SLC28A3: variants seen among roughly 807,000 people sequenced by gnomAD.
SLC28A3 encodes solute carrier family 28 member 3.
In SLC28A3, 68 loss-of-function variants were observed where a neutral mutation model predicts 84.2. The ratio of observed to expected loss-of-function variants is 0.81; its 90% CI spans 0.66 to 0.99. SLC28A3 has a LOEUF of 0.99. SLC28A3 is among the 50% of genes least tolerant of loss of function. The pLI is 0.00. For missense variants in SLC28A3, 712 were observed against 841.5 expected (o/e 0.85, Z 1.90); for synonymous variants, 267 against 303.6 (o/e 0.88, Z 1.25).
chr9:84,357,597 G>A, the SLC28A3 span, among the ~76,000 whole-genome samples: 1 of 152,102 alleles, frequency 6.6e-6, no homozygotes, highest in South Asian at 2.1e-4. Flanking sequence ...AAGTGGGCAG[G>A]AAGTGGAGAC....
intron 3 of SLC28A3, among the ~76,000 whole-genome samples, chr9:84,308,402 C>T (rs1175375708): frequency 2.0e-5 from 3 of 151,892 alleles, no homozygotes; most frequent in African/African-American, 4.8e-5. Context: ...AAAAATTAGC[C>T]GGGCACGATG....
intron 1 of SLC28A3, among the ~76,000 whole-genome samples, chr9:84,315,565 C>A (rs1826142585): frequency 6.6e-6 from 1 of 152,152 alleles, no homozygotes; most frequent in South Asian, 2.1e-4. Context: ...GTGGGCACTC[C>A]TTTAAGTGGC....
chr9:84,339,208 G>A (rs1004995784), intron 1 of SLC28A3, among the ~76,000 whole-genome samples: 3 of 151,758 alleles, frequency 2.0e-5, no homozygotes, highest in African/African-American at 4.8e-5. Context: ...AGGTTTTTCC[G>A]TTTCTTTTAT....
chr9:84,292,573 C>T (rs1825276789), intron 10 of SLC28A3, 95 bp downstream of exon 10: 3 of 964,464 alleles, frequency 3.1e-6, no homozygotes, highest in African/African-American at 3.4e-5. Flanking sequence ...ATTTTCTCTA[C>T]ACTAAAAGAA....
chr9:84,351,882 GAA>G, the SLC28A3 span, among the ~76,000 whole-genome samples: 1 of 135,350 alleles, frequency 7.4e-6, no homozygotes, highest in African/African-American at 2.7e-5. Flanking sequence ...AAGGGTTCAG[GAA>G]AAAAAAAAAA....
At chr9:84,286,801 C>G (rs1825007854) in intron 12 of SLC28A3, among the ~76,000 whole-genome samples, 1 of 152,116 alleles carries the variant, frequency 6.6e-6, no homozygotes, top group South Asian at 2.1e-4. Flanking sequence ...CCTGTGTACT[C>G]TTCTTTGATC....
upstream of SLC28A3, chr9:84,340,805 T>C (rs140084661): frequency 4.6e-5 from 29 of 630,292 alleles, no homozygotes; most frequent in Middle Eastern, 4.5e-4. Flanking sequence ...TGACACCTGG[T>C]TGGGGTGGGG....
At chr9:84,342,127 C>CAAAAAAAAAAAAAAAAAAAAAA (rs200186519), upstream of SLC28A3, among the ~76,000 whole-genome samples, 1 of 68,764 alleles carries the variant, frequency 1.5e-5, no homozygotes, top group Non-Finnish European at 2.9e-5. Context: ...GACCCTGTCT[C>CAAAAAAAAAAAAAAAAAAAAAA]AAAAAAAAAA....
chr9:84,341,564 A>T (rs1456899140), upstream of SLC28A3, among the ~76,000 whole-genome samples: 1 of 152,232 alleles, frequency 6.6e-6, no homozygotes, highest in Admixed American at 6.5e-5. Flanking sequence ...AGGGATAATG[A>T]GAATTCAAAT....
chr9:84,284,947 T>G (rs1418786807), intron 14 of SLC28A3, among the ~76,000 whole-genome samples: 1 of 152,200 alleles, frequency 6.6e-6, no homozygotes, highest in African/African-American at 2.4e-5. Context: ...ATCACTAGAC[T>G]GTTAGCCACT....
intron 1 of SLC28A3, among the ~76,000 whole-genome samples, chr9:84,320,668 T>C (rs552549664): frequency 1.2e-4 from 19 of 152,220 alleles, no homozygotes; most frequent in African/African-American, 4.3e-4. Context: ...GGATTGCATA[T>C]GTGGTCCCTA....
intron 1 of SLC28A3, among the ~76,000 whole-genome samples, chr9:84,334,265 C>T (rs1009342823): frequency 1.3e-5 from 2 of 152,196 alleles, no homozygotes; most frequent in Admixed American, 6.5e-5. Context: ...CGCCACTGCA[C>T]TCTAGCCTGG....
chr9:84,303,004 T>C (rs981538864), intron 4 of SLC28A3, among the ~76,000 whole-genome samples: 4 of 152,164 alleles, frequency 2.6e-5, no homozygotes, highest in Admixed American at 1.3e-4. Flanking sequence ...CTGCCACTTG[T>C]TTTTGCAGGT....
At chr9:84,349,761 A>G in the SLC28A3 span, among the ~76,000 whole-genome samples, 1 of 152,202 alleles carries the variant, frequency 6.6e-6, no homozygotes, top group Admixed American at 6.5e-5. Context: ...AAGAACAAAC[A>G]TTGATATGGG....
chr9:84,310,322 A>G (rs1274655756), intron 2 of SLC28A3: 1 of 878,532 alleles, frequency 1.1e-6, no homozygotes, highest in Non-Finnish European at 1.4e-6. Context: ...GACCCATCCC[A>G]TTTTTTCATG....
chr9:84,284,291 G>A (rs1824889026), intron 14 of SLC28A3, among the ~76,000 whole-genome samples: 1 of 152,152 alleles, frequency 6.6e-6, no homozygotes, highest in Non-Finnish European at 1.5e-5. Flanking sequence ...ATGAACATGC[G>A]AGAACAGGGA....
chr9:84,323,477 T>G (rs574270726), intron 1 of SLC28A3, among the ~76,000 whole-genome samples: 1 of 149,536 alleles, frequency 6.7e-6, no homozygotes. Flanking sequence ...CAGGCTGGAG[T>G]GCAGTGGCAT....
chr9:84,297,486 T>C (rs561778145), intron 7 of SLC28A3, among the ~76,000 whole-genome samples, 188 bp from the exon 8 acceptor site: 2 of 152,328 alleles, frequency 1.3e-5, no homozygotes, highest in Non-Finnish European at 2.9e-5. Flanking sequence ...TATTCCTGGA[T>C]ACAAATTTCC....
intron 2 of SLC28A3, chr9:84,310,433 G>A (rs1235839990): frequency 1.0e-6 from 1 of 985,262 alleles, no homozygotes; most frequent in Non-Finnish European, 1.2e-6. Context: ...CTCCAATAAT[G>A]TCTCAAATAA....
Sources: allele counts gnomAD v4.1 joint callset (sites outside exome capture counted in the v4.1 genomes callset), GRCh38; gene constraint gnomAD v4.1.1; transcripts MANE v1.5; gene names NCBI Gene and HGNC (gene_info 2026-07-23, HGNC 2026-07-21).